MTMR12: variants seen among roughly 807,000 people sequenced by gnomAD.
MTMR12 encodes the protein myotubularin related protein 12.
In MTMR12, 33 loss-of-function variants were observed where a neutral mutation model predicts 96.7. The observed-to-expected ratio is 0.34, with a 90% CI of 0.26 to 0.46. The LOEUF (loss-of-function observed/expected upper bound fraction) is 0.46. MTMR12 is among the 20% of genes least tolerant of loss of function. The pLI is 1.00. For missense variants in MTMR12, 721 were observed against 896.1 expected (o/e 0.80, Z 2.49); for synonymous variants, 298 against 327.2 (o/e 0.91, Z 0.96).
chr5:32,268,508 TAA>T (rs72294899), intron 6 of MTMR12, among the ~76,000 whole-genome samples, 191 bp downstream of exon 6: 23 of 136,142 alleles, frequency 1.7e-4, no homozygotes, highest in African/African-American at 1.9e-4. Flanking sequence ...ACTCCATCTT[TAA>T]AAAAAAAAAA....
At chr5:32,271,762 A>T in intron 4 of MTMR12, 71 bp downstream of exon 4, 2 of 913,706 alleles carry the variant, frequency 2.2e-6, no homozygotes, top group African/African-American at 1.7e-5. Flanking sequence ...AAATGGTCAT[A>T]AAAATATTAT....
At chr5:32,286,787 T>G (rs1199576485) in intron 1 of MTMR12, among the ~76,000 whole-genome samples, 1 of 152,122 alleles carries the variant, frequency 6.6e-6, no homozygotes, top group Non-Finnish European at 1.5e-5. Flanking sequence ...CTGACGAGGG[T>G]TGTACTCTCA....
intron 8 of MTMR12, among the ~76,000 whole-genome samples, chr5:32,254,616 G>A (rs1319730792): frequency 6.6e-6 from 1 of 151,678 alleles, no homozygotes; most frequent in African/African-American, 2.4e-5. Flanking sequence ...GCCGAGGCGG[G>A]TGGATCACCT....
intron 6 of MTMR12, among the ~76,000 whole-genome samples, chr5:32,265,873 T>C (rs1177863604): frequency 6.6e-6 from 1 of 152,222 alleles, no homozygotes; most frequent in African/African-American, 2.4e-5. Flanking sequence ...GAGGTTTTCT[T>C]ATTTTAACAG....
chr5:32,279,722 AG>A (rs1263922517), intron 1 of MTMR12, among the ~76,000 whole-genome samples: 1 of 152,224 alleles, frequency 6.6e-6, no homozygotes, highest in Non-Finnish European at 1.5e-5. Context: ...CGGACCTGGC[AG>A]GGGGGCAGGG....
chr5:32,238,930 A>G, intron 13 of MTMR12, 71 bp downstream of exon 13: 6 of 1,411,810 alleles, frequency 4.2e-6, no homozygotes, highest in Admixed American at 2.6e-5. Flanking sequence ...ACTACATCTG[A>G]TGACAGGTAT....
chr5:32,262,115 T>C (rs1192589711), intron 7 of MTMR12, among the ~76,000 whole-genome samples: 1 of 152,026 alleles, frequency 6.6e-6, no homozygotes, highest in Non-Finnish European at 1.5e-5. Flanking sequence ...CTAGTATTGA[T>C]GTGGAGGAAG....
intron 1 of MTMR12, among the ~76,000 whole-genome samples, chr5:32,308,894 C>T (rs1329512775): frequency 6.6e-6 from 1 of 152,210 alleles, no homozygotes; most frequent in African/African-American, 2.4e-5. Flanking sequence ...TGAGCCACCA[C>T]GCCCGGCCTT....
intron 13 of MTMR12, among the ~76,000 whole-genome samples, chr5:32,237,979 C>T (rs1232411284): frequency 6.6e-6 from 1 of 150,942 alleles, no homozygotes; most frequent in Non-Finnish European, 1.5e-5. Flanking sequence ...CCCATCTCTA[C>T]TAAAAATACA....
chr5:32,298,314 G>A (rs1167182489), intron 1 of MTMR12, among the ~76,000 whole-genome samples: 1 of 152,210 alleles, frequency 6.6e-6, no homozygotes, highest in African/African-American at 2.4e-5. Context: ...AGTGGGGGCT[G>A]TGATTGGTTG....
At chr5:32,231,868 C>G (rs960695061) in intron 15 of MTMR12, among the ~76,000 whole-genome samples, 8 of 152,208 alleles carry the variant, frequency 5.3e-5, no homozygotes, top group African/African-American at 1.9e-4. Context: ...TCAGTACTCA[C>G]ATTCACTGAG....
At position 32,233,973 on chromosome 5, in the gene MTMR12, GGGCTGA is replaced by G. The variant is rs749712726; in HGVS notation, c.1513-45_1513-40del. The G allele has an allele frequency of 1.9e-6, 3 of 1,612,276 alleles. No individual in the cohort carries two copies. In the South Asian group the frequency reaches 3.3e-5, roughly 18 times the overall value. On this transcript the variant is annotated intron_variant, in intron 14 of 15. Transcript: ENST00000382142. This position sits in a 1 kb window ranked among gnomAD's most constrained non-coding sequence, Gnocchi z 5.0. ...CACAGGTCATGCTGTTTTCCAGGGA[GGGCTGA>G]GGAAGGCAAACACATACTTCTGGAC...
At chr5:32,301,694 C>T (rs185839691) in intron 1 of MTMR12, among the ~76,000 whole-genome samples, 1 of 152,208 alleles carries the variant, frequency 6.6e-6, no homozygotes, top group Non-Finnish European at 1.5e-5. Context: ...AGTTTGAGAC[C>T]AGTCTGGCCA....
intron 8 of MTMR12, among the ~76,000 whole-genome samples, chr5:32,253,207 C>T (rs1039645138): frequency 2.0e-5 from 3 of 152,106 alleles, no homozygotes; most frequent in Admixed American, 2.0e-4. Flanking sequence ...TAACAGCCCC[C>T]CACAACAAAG....
At chr5:32,260,441 C>T (rs1324360331) in intron 7 of MTMR12, among the ~76,000 whole-genome samples, 1 of 151,786 alleles carries the variant, frequency 6.6e-6, no homozygotes, top group African/African-American at 2.4e-5. Flanking sequence ...TTCTGACATG[C>T]TAACACCTAT....
rs2111567245 is a variant in MTMR12, at chr5:32,312,830, C to T, written c.9G>A (p.Gly3=). 2.0e-6 allele frequency: 3 copies of T among 1,529,122 alleles called. No homozygotes were observed. The highest frequency in any genetic ancestry group is 2.0e-5 in the Admixed American group (1 of 49,336). 94.7% of individuals were successfully genotyped at this position (1,529,122 alleles called of 1,614,324 possible). ...CGCCGCCACCGCCGACTACTCCTTT[C>T]CCCAGCATACCGCCGCCCTGGGAAG... is the stretch of plus-strand genomic sequence containing the variant. ML[G]KGVVGGGGGT... Residue 3 remains glycine (G), a synonymous_variant, in exon 1 of 16, where the codon GGG becomes GGA. Coordinates refer to ENST00000382142, the MANE Select transcript of MTMR12 (RefSeq NM_001040446.3). This position sits in a 1 kb window ranked among gnomAD's most constrained non-coding sequence, Gnocchi z 5.0.
intron 1 of MTMR12, among the ~76,000 whole-genome samples, chr5:32,302,515 G>A (rs1269896421): frequency 2.0e-5 from 3 of 151,770 alleles, no homozygotes; most frequent in East Asian, 3.9e-4. Context: ...TCAGGAGTTC[G>A]AGACCAGCCT....
intron 1 of MTMR12, among the ~76,000 whole-genome samples, chr5:32,303,847 C>CAAAAAAAAAAAAAA (rs57459005): frequency 1.5e-5 from 1 of 68,402 alleles, no homozygotes; most frequent in Non-Finnish European, 2.8e-5. Context: ...TTTGCCATCT[C>CAAAAAAAAAAAAAA]AAAAAAAAAA....
At chr5:32,287,368 G>A (rs1219471647) in intron 1 of MTMR12, among the ~76,000 whole-genome samples, 1 of 152,238 alleles carries the variant, frequency 6.6e-6, no homozygotes, top group African/African-American at 2.4e-5. Flanking sequence ...GCCTAGCCTC[G>A]CAGCCTACAT....
Sources: allele counts gnomAD v4.1 joint callset (sites outside exome capture counted in the v4.1 genomes callset), GRCh38; gene constraint gnomAD v4.1.1; non-coding constraint Gnocchi (gnomAD v3.1); transcripts MANE v1.5; gene names NCBI Gene and HGNC (gene_info 2026-07-23, HGNC 2026-07-21).